Variants in TSPAN32 observed in about 807,000 individuals in gnomAD.
The protein encoded by TSPAN32 is tetraspanin-32.
In TSPAN32, 47 loss-of-function variants were observed where a neutral mutation model predicts 42.7. The observed-to-expected ratio is 1.10, with a 90% CI of 0.87 to 1.40. The LOEUF (loss-of-function observed/expected upper bound fraction) is 1.40. Ranked by LOEUF, TSPAN32 falls within the 40% of genes most tolerant of loss-of-function variation. The pLI is 0.00. For synonymous variants in TSPAN32, 175 were observed against 175.9 expected (o/e 0.99, Z 0.04); for missense variants, 469 against 424.1 (o/e 1.11, Z -0.93).
rs1407139268 is a variant in TSPAN32 at position 2,306,044 on chromosome 11, C to CTTTGTG, written c.279+1841_279+1842insTTGTGT. ...CATGTGTGTGTGCGTGTGCAGGTGC[C>CTTTGTG]TCTGTGTGTGTGTGTGTGTGTGTGT... On this transcript the variant is annotated intron_variant, in intron 3 of 9. Transcript: ENST00000182290. Among the ~76,000 whole-genome samples the CTTTGTG allele has an allele frequency of 2.7e-3, 112 of 40,906 alleles. 3 individuals are homozygous for CTTTGTG. The South Asian group carries it at 0.081, about 29-fold the overall frequency. 26.8% of individuals were successfully genotyped at this position (40,906 alleles called of 152,430 possible). A position where few individuals can be genotyped will look rare whatever the true frequency, so the allele number is the denominator to read the frequency against.
At chr11:2,315,867 A>G in intron 6 of TSPAN32, 1 of 1,403,804 alleles carries the variant, frequency 7.1e-7, no homozygotes, top group Non-Finnish European at 9.5e-7. Flanking sequence ...CTGGTCACCA[A>G]GGTGCTGTGC....
chr11:2,313,455 G>A lies in TSPAN32; in HGVS notation c.355-199G>A, dbSNP rs1435067614. On this transcript the variant is annotated intron_variant, in intron 4 of 9. Transcript: ENST00000182290. This position sits in a 1 kb window ranked among gnomAD's most constrained non-coding sequence, Gnocchi z 9.1. ...ACGGCCATTGTGTGAAGGCCCCATC[G>A]TTGATGTTGGGAAGCACTGTGACTG... 6.6e-6 allele frequency among the ~76,000 whole-genome samples: 1 copy of A among 152,204 alleles called. No individual in the cohort carries two copies. The highest frequency in any genetic ancestry group is 2.4e-5 in the African/African-American group (1 of 41,442).
In TSPAN32 at chr11:2,315,235, C is replaced by G. The variant is rs553345918; in HGVS notation, c.543+664C>G. 200 of 1,201,350 alleles carry G rather than the reference C, an allele frequency of 1.7e-4. 4 individuals carry two copies. The East Asian group carries it at 0.012, about 72-fold the overall frequency. The allele number at this position is 1,201,350 out of a possible 1,614,324, so 74.4% of individuals were successfully genotyped here. On this transcript the variant is annotated intron_variant, in intron 6 of 9. Coordinates refer to ENST00000182290, the MANE Select transcript of TSPAN32 (RefSeq NM_139022.3). ...CTACTGTCCTGGAAACAAACCCACCCTATCTCACAGTGGGAGGCACCTGGC... is the reference window on the plus strand; with the variant it reads ...CTACTGTCCTGGAAACAAACCCACCGTATCTCACAGTGGGAGGCACCTGGC...
chr11:2,309,394 A>G (rs1489414892), intron 4 of TSPAN32: 1 of 467,740 alleles, frequency 2.1e-6, no homozygotes, highest in East Asian at 7.0e-5. Context: ...GCAGGGGCCA[A>G]GGGCGTCCCC....
chr11:2,306,844 AGGGAG>A (rs1848130221), intron 3 of TSPAN32: 1 of 21,228 alleles, frequency 4.7e-5, no homozygotes, highest in Non-Finnish European at 1.1e-4. Context: ...GGGGAGGGAG[AGGGAG>A]GGGGAGGGGG....
In TSPAN32 at chr11:2,313,762, G is replaced by C. The variant is rs377447225; in HGVS notation, c.456+7G>C. 2 of 1,583,224 alleles carry C rather than the reference G, an allele frequency of 1.3e-6. No individual in the cohort carries two copies. Among genetic ancestry groups the C allele is most frequent in the Non-Finnish European group, 1.7e-6 (2 of 1,168,224 alleles). On this transcript the variant is annotated splice_region_variant and intron_variant, in intron 5 of 9. Coordinates refer to ENST00000182290, the MANE Select transcript of TSPAN32 (RefSeq NM_139022.3). The surrounding 1 kb of genome is among the most constrained non-coding windows in gnomAD (Gnocchi z 9.1). ...GGCGGCCATCCAGGACGTGGTGAGCGTGGGGACGGCTGGGTGGCAGGGCGG... is the reference window on the plus strand; with the variant it reads ...GGCGGCCATCCAGGACGTGGTGAGCCTGGGGACGGCTGGGTGGCAGGGCGG...
chr11:2,311,202 C>G (rs375179874), intron 4 of TSPAN32, among the ~76,000 whole-genome samples: 8 of 152,060 alleles, frequency 5.3e-5, no homozygotes, highest in African/African-American at 1.9e-4. Context: ...CAGCCACATG[C>G]CCTTGGTGGT....
intron 3 of TSPAN32, among the ~76,000 whole-genome samples, chr11:2,305,048 G>T (rs2133296314): frequency 6.6e-6 from 1 of 152,340 alleles, no homozygotes; most frequent in South Asian, 2.1e-4. Context: ...CACTCTGGGG[G>T]TCCCTGAGGG....
At chr11:2,314,919 A>C in intron 6 of TSPAN32, 1 of 347,626 alleles carries the variant, frequency 2.9e-6, no homozygotes, top group Non-Finnish European at 5.5e-6. Flanking sequence ...GAGTGCACCC[A>C]TGAGGGCTCT....
intron 1 of TSPAN32, chr11:2,302,622 G>A (rs982625774): frequency 6.0e-5 from 35 of 581,680 alleles, no homozygotes; most frequent in Admixed American, 1.5e-4. Flanking sequence ...TGGGCTGTGC[G>A]TGTATGCGTC....
At chr11:2,316,012 G>T in intron 6 of TSPAN32, 1 of 1,534,436 alleles carries the variant, frequency 6.5e-7, no homozygotes. Flanking sequence ...CAGTGCCAGA[G>T]TGCCCACAGA....
At chr11:2,312,299 C>A (rs1248743299) in intron 4 of TSPAN32, among the ~76,000 whole-genome samples, 1 of 152,206 alleles carries the variant, frequency 6.6e-6, no homozygotes, top group Non-Finnish European at 1.5e-5. Flanking sequence ...TCACCAGGAC[C>A]TCCACCCACG....
Position 2,318,132 on chromosome 11 carries a change from T to C in TSPAN32, c.*208T>C, listed in dbSNP as rs1848907173. On this transcript the variant is annotated 3_prime_UTR_variant, in exon 10 of 10. Transcript: ENST00000182290. This position sits in a 1 kb window ranked among gnomAD's most constrained non-coding sequence, Gnocchi z 4.2. ...GGTCAAATATACATCACATCAAATTTACCATCTTAACCATTGTTAAGTGTA... is the reference window on the plus strand; with the variant it reads ...GGTCAAATATACATCACATCAAATTCACCATCTTAACCATTGTTAAGTGTA... 1 of 549,536 alleles carries C rather than the reference T, an allele frequency of 1.8e-6. No homozygotes were observed. The highest frequency in any genetic ancestry group is 1.9e-5 in the African/African-American group (1 of 51,734). The allele number at this position is 549,536 out of a possible 1,614,324, so 34.0% of individuals were successfully genotyped here.
In TSPAN32 at chr11:2,317,894, T is replaced by G. The variant is rs754391237; in HGVS notation, c.933T>G (p.Ser311Arg). 5.1e-6 allele frequency: 7 copies of G among 1,365,788 alleles called. No homozygotes were observed. In the East Asian group the frequency reaches 1.6e-4, roughly 31 times the overall value. The allele number at this position is 1,365,788 out of a possible 1,614,324, so 84.6% of individuals were successfully genotyped here. A position where few individuals can be genotyped will look rare whatever the true frequency, so the allele number is the denominator to read the frequency against. The change falls in exon 10 of 10, where the codon AGT (serine) becomes AGG (arginine). Residue 311 changes from serine (S) to arginine (R), a missense_variant. Physicochemically the swap from Ser to Arg is moderately radical, Grantham distance 110. Coordinates refer to ENST00000182290, the MANE Select transcript of TSPAN32 (RefSeq NM_139022.3). This position sits in a 1 kb window ranked among gnomAD's most constrained non-coding sequence, Gnocchi z 6.2. ...AGGGCAGAAGTCGCGGTGGGCTCAG[T>G]GGGTGCCCTGAGCGGGGTCTCTCAG... is the stretch of plus-strand genomic sequence containing the variant. ...ALQGRSRGGL[S>R]GCPERGLSD
At chr11:2,310,091 TTTCG>T (rs1445715145) in intron 4 of TSPAN32, 1 of 152,318 alleles carries the variant, frequency 6.6e-6, no homozygotes, top group Non-Finnish European at 1.5e-5. Context: ...CAGGTCCGTG[TTTCG>T]GCCTCACGTT....
At chr11:2,316,691 C>A in intron 8 of TSPAN32, 24 bp downstream of exon 8, 1 of 1,517,758 alleles carries the variant, frequency 6.6e-7, no homozygotes, top group African/African-American at 1.4e-5. Flanking sequence ...CCTGCCCCCA[C>A]ACCCTCTGGA....
At chr11:2,309,747 T>C (rs2521276) in intron 4 of TSPAN32, among the ~76,000 whole-genome samples, 135,176 of 152,044 alleles carry the variant, frequency 0.89, 60,985 homozygotes, top group Non-Finnish European at 0.93. Context: ...GCAGGGGGCC[T>C]GCTGTGCAGT....
At position 2,313,775 on chromosome 11, in the gene TSPAN32, G is replaced by C. The variant is rs2133363562; in HGVS notation, c.456+20G>C. 2 of 1,564,946 alleles carry C rather than the reference G, an allele frequency of 1.3e-6. No individual in the cohort carries two copies. The highest frequency in any genetic ancestry group is 2.3e-5 in the East Asian group (1 of 42,824). On this transcript the variant is annotated intron_variant, in intron 5 of 9. Coordinates refer to ENST00000182290, the MANE Select transcript of TSPAN32 (RefSeq NM_139022.3). This position sits in a 1 kb window ranked among gnomAD's most constrained non-coding sequence, Gnocchi z 9.1. The stretch of plus-strand genomic sequence containing the variant: ...GACGTGGTGAGCGTGGGGACGGCTG[G>C]GTGGCAGGGCGGTCAGCTTCTGCTT...
Position 2,302,064 on chromosome 11 carries a change from C to A in TSPAN32, c.-86C>A. ...GGGCGGATGCAGCCTACCTCCTGGGCAGTGAGCTGCGGTCTGAGGCCCCTG... is the reference window on the plus strand; with the variant it reads ...GGGCGGATGCAGCCTACCTCCTGGGAAGTGAGCTGCGGTCTGAGGCCCCTG... On this transcript the variant is annotated 5_prime_UTR_variant, in exon 1 of 10. Coordinates refer to ENST00000182290, the MANE Select transcript of TSPAN32 (RefSeq NM_139022.3). 11 of 1,495,360 alleles carry A rather than the reference C, an allele frequency of 7.4e-6. No individual in the cohort carries two copies. The highest frequency in any genetic ancestry group is 9.8e-6 in the Non-Finnish European group (11 of 1,125,732). The allele number at this position is 1,495,360 out of a possible 1,614,324, so 92.6% of individuals were successfully genotyped here.
Sources: allele counts gnomAD v4.1 joint callset (sites outside exome capture counted in the v4.1 genomes callset), GRCh38; gene constraint gnomAD v4.1.1; non-coding constraint Gnocchi (gnomAD v3.1); transcripts MANE v1.5; gene names NCBI Gene and HGNC (gene_info 2026-07-23, HGNC 2026-07-21).